The following ZBTB32 variants were observed in gnomAD, a reference collection of about 807,000 sequenced individuals.
ZBTB32 encodes zinc finger and BTB domain-containing protein 32.
ZBTB32 carries 28 observed loss-of-function variants against 45.3 expected under a neutral mutation model. The ratio of observed to expected loss-of-function variants is 0.62; its 90% CI spans 0.46 to 0.85. The LOEUF is 0.85. ZBTB32 is among the 40% of genes least tolerant of loss of function. ZBTB32 has a pLI of 0.00. For synonymous variants in ZBTB32, 283 were observed against 255.7 expected (o/e 1.11, Z -1.02); for missense variants, 587 against 624.4 (o/e 0.94, Z 0.64).
intron 1 of ZBTB32, among the ~76,000 whole-genome samples, chr19:35,710,470 A>T (rs1413244938): frequency 6.6e-6 from 1 of 152,020 alleles, no homozygotes; most frequent in East Asian, 1.9e-4. Context: ...GAGGGGGAGT[A>T]CTTTTAAGAA....
Position 35,714,922 on chromosome 19 carries a change from C to T in ZBTB32, c.296C>T (p.Ala99Val). ...AGGCCCCTTCAGGAGGCGGCCAGGGCCTTGGGAGTGCAGTCCCTGGAAGAG... is the reference window on the plus strand; with the variant it reads ...AGGCCCCTTCAGGAGGCGGCCAGGGTCTTGGGAGTGCAGTCCCTGGAAGAG... ...ELRPLQEAAR[A>V]LGVQSLEEAC... The change falls in exon 3 of 7, where the codon GCC becomes GTC. Residue 99 changes from alanine (A) to valine (V), a missense_variant. Transcript: ENST00000392197. 6.3e-7 allele frequency: 1 copy of T among 1,582,554 alleles called. No individual in the cohort carries two copies.
At chr19:35,711,670 AG>A (rs1183084625) in intron 1 of ZBTB32, among the ~76,000 whole-genome samples, 4 of 152,114 alleles carry the variant, frequency 2.6e-5, no homozygotes, top group African/African-American at 7.2e-5. Context: ...CTGGAGCCAA[AG>A]GAAGAAACGG....
At position 35,715,860 on chromosome 19, in the gene ZBTB32, G is replaced by C. The variant is rs368528614; in HGVS notation, c.955+30G>C. 2.5e-5 allele frequency: 40 copies of C among 1,611,364 alleles called. No individual in the cohort carries two copies. In the African/African-American group the frequency reaches 4.8e-4, roughly 19 times the overall value. On this transcript the variant is annotated intron_variant, in intron 4 of 6. Coordinates refer to ENST00000392197, the MANE Select transcript of ZBTB32 (RefSeq NM_014383.3). ...GCCCCTCGCTGTCCTGCATACACCT[G>C]TAACATGGTGTCTTCTCTGGGCTGG...
chr19:35,712,490 T>C (rs1452496782), intron 1 of ZBTB32, among the ~76,000 whole-genome samples: 1 of 151,914 alleles, frequency 6.6e-6, no homozygotes, highest in Non-Finnish European at 1.5e-5. Flanking sequence ...TAAATGAAAA[T>C]TTTGCTATAG....
chr19:35,705,991 G>A (rs1599644621), intron 1 of ZBTB32, among the ~76,000 whole-genome samples: 1 of 151,566 alleles, frequency 6.6e-6, no homozygotes, highest in Non-Finnish European at 1.5e-5. Flanking sequence ...CACTTTGAGA[G>A]GCCAAGGCGG....
At chr19:35,705,096 A>G (rs1458670828) in intron 1 of ZBTB32, among the ~76,000 whole-genome samples, 2 of 151,400 alleles carry the variant, frequency 1.3e-5, no homozygotes. Context: ...ATTTGAGGTC[A>G]GGAGTTTGAG....
intron 3 of ZBTB32, 55 bp downstream of exon 3, chr19:35,715,562 G>C (rs897804788): frequency 2.0e-6 from 3 of 1,507,452 alleles, no homozygotes; most frequent in East Asian, 4.5e-5. Context: ...TGGCCCAGGA[G>C]GGGCAGCCCT....
chr19:35,706,671 G>A (rs1968552733), intron 1 of ZBTB32, among the ~76,000 whole-genome samples: 1 of 152,104 alleles, frequency 6.6e-6, no homozygotes, highest in South Asian at 2.1e-4. Flanking sequence ...AGTGAGCCGA[G>A]ATCGCGCCAC....
Position 35,715,991 on chromosome 19 carries a change from T to G in ZBTB32, c.1008T>G (p.Ser336=). The G allele has an allele frequency of 6.2e-7, 1 of 1,612,850 alleles. No individual in the cohort carries two copies. Among genetic ancestry groups the G allele is most frequent in the Non-Finnish European group, 8.5e-7 (1 of 1,179,952 alleles). Residue 336 remains serine (S), a synonymous_variant, in exon 5 of 7, where the codon TCT becomes TCG. Transcript: ENST00000392197. Reference sequence around the variant, plus strand: ...TCAGCCCTGGGGAGATGGAAGAGTCTGATCAGGGGCACACAGGTGAGTCGG... The same window carrying G: ...TCAGCCCTGGGGAGATGGAAGAGTCGGATCAGGGGCACACAGGTGAGTCGG... The part of the protein sequence containing the change: ...AQLSPGEMEE[S]DQGHTGALAT...
Position 35,715,454 on chromosome 19 carries a change from C to T in ZBTB32, c.828C>T (p.Phe276=), listed in dbSNP as rs772964742. 11 of 1,582,674 alleles carry T rather than the reference C, an allele frequency of 7.0e-6. No individual in the cohort carries two copies. The highest frequency in any genetic ancestry group is 9.4e-6 in the Non-Finnish European group (11 of 1,166,048). Residue 276 remains phenylalanine, a synonymous_variant, in exon 3 of 7, where the codon TTC becomes TTT. Transcript: ENST00000392197. ...LLMPPRYGIP[F]YHSTPTTGAW... ...TGCCGCCCAGATATGGCATTCCCTT[C>T]TACCATAGCACCCCCACCACTGGAG...
chr19:35,716,823 C>G lies in ZBTB32; in HGVS notation c.*71C>G. On this transcript the variant is annotated 3_prime_UTR_variant, in exon 7 of 7. Coordinates refer to ENST00000392197, the MANE Select transcript of ZBTB32 (RefSeq NM_014383.3). ...AAAGCGGGCCGGCTCGGCTTCTGAC[C>G]TGGCACCGCTGCTACGGCGGCCTAG... 3 of 1,517,826 alleles carry G rather than the reference C, an allele frequency of 2.0e-6. No individual in the cohort carries two copies. The highest frequency in any genetic ancestry group is 2.3e-5 in the East Asian group (1 of 43,880). The allele number at this position is 1,517,826 out of a possible 1,614,324, so 94.0% of individuals were successfully genotyped here.
chr19:35,704,779 G>C (rs551056112), intron 1 of ZBTB32, among the ~76,000 whole-genome samples, 156 bp downstream of exon 1: 1 of 152,256 alleles, frequency 6.6e-6, no homozygotes, highest in Non-Finnish European at 1.5e-5. Context: ...TGAGAGGCTG[G>C]AAATGCAGCC....
chr19:35,715,921 T>TC lies in ZBTB32; in HGVS notation c.956-15dup. 6 of 1,611,936 alleles carry TC rather than the reference T, an allele frequency of 3.7e-6. No individual in the cohort carries two copies. The highest frequency in any genetic ancestry group is 5.1e-6 in the Non-Finnish European group (6 of 1,179,068). The stretch of plus-strand genomic sequence containing the variant: ...GTCCAGCCTGAGCAGGGCCCCTACC[T>TC]CCCACTGTTCCTTCCAGGTTCCCTC... On this transcript the variant is annotated splice_polypyrimidine_tract_variant and intron_variant, in intron 4 of 6. Transcript: ENST00000392197.
At chr19:35,704,996 G>T (rs1006163072) in intron 1 of ZBTB32, among the ~76,000 whole-genome samples, 2 of 152,196 alleles carry the variant, frequency 1.3e-5, no homozygotes, top group Non-Finnish European at 2.9e-5. Context: ...GAAAGGAGAG[G>T]CCTGTGGATC....
Position 35,716,113 on chromosome 19 carries a change from T to C in ZBTB32, c.1025-20T>C. On this transcript the variant is annotated intron_variant, in intron 5 of 6. Transcript: ENST00000392197. Reference sequence around the variant, plus strand: ...TGGGATTCCTGGCCCTGCCCTCCTTTGCCTTCTCTGTCCCCACAGGCGCAC... The same window carrying C: ...TGGGATTCCTGGCCCTGCCCTCCTTCGCCTTCTCTGTCCCCACAGGCGCAC... 1 of 1,613,008 alleles carries C rather than the reference T, an allele frequency of 6.2e-7. No homozygotes were observed. Among genetic ancestry groups the C allele is most frequent in the Middle Eastern group, 1.7e-4 (1 of 6,058 alleles).
At chr19:35,712,199 C>CGCCTATAA (rs1968721102) in intron 1 of ZBTB32, among the ~76,000 whole-genome samples, 1 of 152,142 alleles carries the variant, frequency 6.6e-6, no homozygotes, top group African/African-American at 2.4e-5. Flanking sequence ...CAGTGGCTCA[C>CGCCTATAA]GCCTATAATC....
intron 4 of ZBTB32, 50 bp downstream of exon 4, chr19:35,715,880 G>C: frequency 6.2e-7 from 1 of 1,609,792 alleles, no homozygotes. Flanking sequence ...GTCTTCTCTG[G>C]GCTGGGGCTC....
At position 35,716,205 on chromosome 19, in the gene ZBTB32, C is replaced by T; in HGVS notation, c.1097C>T (p.Pro366Leu). ...CCTCGCCCGCACCCTCCCCCGGCCCCTCCTGCTCGGTCTCGGCCCTATGCG... is the reference window on the plus strand; with the variant it reads ...CCTCGCCCGCACCCTCCCCCGGCCCTTCCTGCTCGGTCTCGGCCCTATGCG... The part of the protein sequence containing the change: ...CPPRPHPPPA[P>L]PARSRPYACS... Residue 366 changes from proline (P) to leucine (L), a missense_variant, in exon 6 of 7, where the codon CCT becomes CTT. Transcript: ENST00000392197. The T allele has an allele frequency of 6.2e-7, 1 of 1,613,964 alleles. No homozygotes were observed.
chr19:35,714,536 T>C lies in ZBTB32; in HGVS notation c.-91T>C. On this transcript the variant is annotated 5_prime_UTR_variant, in exon 3 of 7. The change abolishes an upstream ATG in the 5' untranslated region. Coordinates refer to ENST00000392197, the MANE Select transcript of ZBTB32 (RefSeq NM_014383.3). Reference sequence around the variant, plus strand: ...TCACATCCACAGGCTTGAAATGAGATGAGATGTTCCTCCCTCCCCTTTCAA... The same window carrying C: ...TCACATCCACAGGCTTGAAATGAGACGAGATGTTCCTCCCTCCCCTTTCAA... 1.5e-6 allele frequency: 2 copies of C among 1,331,346 alleles called. No individual in the cohort carries two copies. The highest frequency in any genetic ancestry group is 2.0e-6 in the Non-Finnish European group (2 of 995,204). The allele number at this position is 1,331,346 out of a possible 1,614,324, so 82.5% of individuals were successfully genotyped here.
Sources: allele counts gnomAD v4.1 joint callset (sites outside exome capture counted in the v4.1 genomes callset), GRCh38; gene constraint gnomAD v4.1.1; transcripts MANE v1.5; gene names NCBI Gene and HGNC (gene_info 2026-07-23, HGNC 2026-07-21).